The following NEMF variants were observed in gnomAD, a reference collection of about 807,000 sequenced individuals.
NEMF encodes ribosome quality control complex subunit NEMF.
Under a neutral mutation model 162.2 loss-of-function variants are expected in NEMF, and 89 were observed. The ratio of observed to expected loss-of-function variants is 0.55; its 90% CI spans 0.46 to 0.65. NEMF has a LOEUF of 0.65. NEMF is among the 30% of genes least tolerant of loss of function. The pLI, the probability that NEMF is intolerant of heterozygous loss-of-function variation, is 0.00. For missense variants in NEMF, 1,133 were observed against 1,261.9 expected (o/e 0.90, Z 1.55); for synonymous variants, 421 against 404.5 (o/e 1.04, Z -0.49).
chr14:49,815,822 G>A (rs1802759952), intron 16 of NEMF, among the ~76,000 whole-genome samples: 1 of 151,994 alleles, frequency 6.6e-6, no homozygotes, highest in South Asian at 2.1e-4. Flanking sequence ...AAATTAGCCG[G>A]GTGTGGTGAC....
At chr14:49,803,715 G>A (rs1025336402) in intron 19 of NEMF, among the ~76,000 whole-genome samples, 4 of 151,776 alleles carry the variant, frequency 2.6e-5, no homozygotes, top group Non-Finnish European at 5.9e-5. Context: ...TAGTAGAGAC[G>A]GGGTTTCACT....
intron 28 of NEMF, among the ~76,000 whole-genome samples, chr14:49,788,398 G>A (rs927731847): frequency 5.9e-5 from 9 of 151,536 alleles, no homozygotes; most frequent in Non-Finnish European, 1.3e-4. Flanking sequence ...GGAAAAATAC[G>A]AACTCACTGG....
chr14:49,820,415 G>C (rs989036541), intron 16 of NEMF: 21 of 456,718 alleles, frequency 4.6e-5, no homozygotes, highest in South Asian at 3.3e-4. Flanking sequence ...TCTGGTCACT[G>C]CATGACTTCG....
chr14:49,834,915 T>A (rs762180249), intron 6 of NEMF, among the ~76,000 whole-genome samples: 1 of 152,256 alleles, frequency 6.6e-6, no homozygotes, highest in African/African-American at 2.4e-5. Context: ...TTCTAGTTCT[T>A]AGACTGGGTG....
rs555631557 is a variant in NEMF, at chr14:49,816,838, T to C, written c.1578-1981A>G. Among the ~76,000 whole-genome samples, 8 of 152,230 alleles carry C rather than the reference T, an allele frequency of 5.3e-5. No individual in the cohort carries two copies. The South Asian group carries it at 6.2e-4, about 12-fold the overall frequency. On this transcript the variant is annotated intron_variant, in intron 16 of 32. Coordinates refer to ENST00000298310, the MANE Select transcript of NEMF (RefSeq NM_004713.6). ...GACAAAGACATAGGGACAAAAAGAA[T>C]GGGAGAGAAAAATCAAAGATGTATT... is the stretch of plus-strand genomic sequence containing the variant.
At chr14:49,845,775 T>C (rs2140024684) in intron 4 of NEMF, among the ~76,000 whole-genome samples, 1 of 152,366 alleles carries the variant, frequency 6.6e-6, no homozygotes, top group Admixed American at 6.5e-5. Flanking sequence ...AACGTTTATA[T>C]GCAGTCTGTT....
At chr14:49,852,292 A>G (rs937932875) in intron 1 of NEMF, among the ~76,000 whole-genome samples, 1 of 152,182 alleles carries the variant, frequency 6.6e-6, no homozygotes, top group Non-Finnish European at 1.5e-5. Context: ...TAAAACCGCG[A>G]TGCTCTCTCT....
intron 22 of NEMF, among the ~76,000 whole-genome samples, chr14:49,802,176 A>AG (rs1252316985): frequency 6.6e-6 from 1 of 151,708 alleles, no homozygotes; most frequent in African/African-American, 2.4e-5. Flanking sequence ...CAAACTCCTG[A>AG]GCTCTAGCAA....
At chr14:49,851,905 T>C in intron 1 of NEMF, 30 bp from the exon 2 acceptor site, 1 of 1,327,758 alleles carries the variant, frequency 7.5e-7, no homozygotes, top group Non-Finnish European at 1.1e-6. Context: ...ATGTAACATG[T>C]TACACTATTG....
intron 5 of NEMF, among the ~76,000 whole-genome samples, chr14:49,839,007 G>A (rs1893057168): frequency 6.6e-6 from 1 of 152,102 alleles, no homozygotes; most frequent in South Asian, 2.1e-4. Context: ...TGAATTAGCA[G>A]AGGGTGGGGG....
chr14:49,802,898 C>G (rs1473159459), intron 20 of NEMF, among the ~76,000 whole-genome samples, 171 bp from the exon 21 acceptor site: 1 of 152,102 alleles, frequency 6.6e-6, no homozygotes, highest in African/African-American at 2.4e-5. Context: ...TGTATAGGAA[C>G]AGTTATTAAG....
chr14:49,785,173 T>TA (rs761910813), intron 30 of NEMF, 38 bp from the exon 31 acceptor site: 105 of 1,601,892 alleles, frequency 6.6e-5, no homozygotes, highest in Non-Finnish European at 8.6e-5. Flanking sequence ...AAATAGACGT[T>TA]ACAAAACAAT....
intron 16 of NEMF, 91 bp from the exon 17 acceptor site, chr14:49,814,948 T>A: frequency 5.6e-6 from 4 of 712,852 alleles, no homozygotes; most frequent in Non-Finnish European, 9.3e-6. Context: ...GGAAGCTATT[T>A]AAGACAAGTT....
intron 16 of NEMF, among the ~76,000 whole-genome samples, chr14:49,823,381 AT>A (rs1256202020): frequency 6.6e-6 from 1 of 151,804 alleles, no homozygotes; most frequent in Non-Finnish European, 1.5e-5. Context: ...AAACTTATTT[AT>A]TTTTTTAAAA....
At chr14:49,826,065 T>TAC (rs147058569) in intron 15 of NEMF, 110 bp from the exon 16 acceptor site, 33 of 626,744 alleles carry the variant, frequency 5.3e-5, no homozygotes, top group African/African-American at 7.4e-5. Flanking sequence ...TGGCACAATC[T>TAC]ACACACACAC....
chr14:49,826,772 A>T (rs1892370645), intron 15 of NEMF, among the ~76,000 whole-genome samples: 1 of 152,206 alleles, frequency 6.6e-6, no homozygotes, highest in Non-Finnish European at 1.5e-5. Flanking sequence ...GGAATCCAGA[A>T]AAAATATTCA....
At chr14:49,844,735 GCGCACACACACA>G in intron 4 of NEMF, 5 of 158,330 alleles carry the variant, frequency 3.2e-5, no homozygotes, top group Non-Finnish European at 4.2e-5. Context: ...GCGCACGCGC[GCGCACACACACA>G]CACACACACA....
rs1177300017 is a variant in NEMF at position 49,784,384 on chromosome 14, T to C, written c.*252A>G. The C allele has an allele frequency of 2.1e-5, 7 of 340,192 alleles. No individual in the cohort carries two copies. The highest frequency in any genetic ancestry group is 1.5e-4 in the African/African-American group (7 of 46,496). The allele number at this position is 340,192 out of a possible 1,614,324, so 21.1% of individuals were successfully genotyped here. A position where few individuals can be genotyped will look rare whatever the true frequency, so the allele number is the denominator to read the frequency against. On this transcript the variant is annotated 3_prime_UTR_variant, in exon 33 of 33. Transcript: ENST00000298310. ...TAACCTCCCAAATTTCAAGAAAATGTAGAATAACTACAGATGTATATTAAT... is the reference window on the plus strand; with the variant it reads ...TAACCTCCCAAATTTCAAGAAAATGCAGAATAACTACAGATGTATATTAAT...
chr14:49,824,275 T>G (rs1303310202), intron 16 of NEMF, among the ~76,000 whole-genome samples: 3 of 152,044 alleles, frequency 2.0e-5, no homozygotes, highest in African/African-American at 7.2e-5. Flanking sequence ...CGGGGCGTGG[T>G]GGCTCACGCC....
Sources: allele counts gnomAD v4.1 joint callset (sites outside exome capture counted in the v4.1 genomes callset), GRCh38; gene constraint gnomAD v4.1.1; transcripts MANE v1.5; gene names NCBI Gene and HGNC (gene_info 2026-07-23, HGNC 2026-07-21).